The following PAN3 variants were observed in gnomAD, a reference collection of about 807,000 sequenced individuals.
PAN3 encodes the protein poly(A) specific ribonuclease subunit PAN3, also known as PAN2-PAN3 deadenylation complex subunit PAN3.
Under a neutral mutation model 96.2 loss-of-function variants are expected in PAN3, and 19 were observed. The ratio of observed to expected loss-of-function variants is 0.20; its 90% CI spans 0.14 to 0.29. The LOEUF (loss-of-function observed/expected upper bound fraction) is 0.29. Ranked by LOEUF, PAN3 falls within the 10% of genes least tolerant of loss-of-function variation. The pLI is 1.00. For synonymous variants in PAN3, 433 were observed against 406.6 expected, an observed-to-expected ratio of 1.06 and a Z score of -0.78; for missense variants, 882 against 1,108.1, an observed-to-expected ratio of 0.80 and a Z score of 2.90.
At chr13:28,263,977 C>G (rs781401391) in intron 9 of PAN3, among the ~76,000 whole-genome samples, 2 of 152,082 alleles carry the variant, frequency 1.3e-5, no homozygotes, top group African/African-American at 2.4e-5. Flanking sequence ...TATCCCTTCC[C>G]GCGTAACATT....
chr13:28,201,868 T>C lies in PAN3; in HGVS notation c.852+4522T>C, dbSNP rs76512098. On this transcript the variant is annotated intron_variant, in intron 5 of 18. Transcript: ENST00000380958. The stretch of plus-strand genomic sequence containing the variant: ...TTTCTGTGCCTCTGATACCTTTGCA[T>C]GTGGGTAAATATGCCACTCTCCCTA... Among the ~76,000 whole-genome samples, 828 of 152,326 alleles carry C rather than the reference T, an allele frequency of 5.4e-3. 9 individuals are homozygous for C. The highest frequency in any genetic ancestry group is 0.019 in the African/African-American group (797 of 41,582).
chr13:28,271,758 A>G (rs1886640432), intron 13 of PAN3, among the ~76,000 whole-genome samples: 1 of 152,138 alleles, frequency 6.6e-6, no homozygotes, highest in Non-Finnish European at 1.5e-5. Flanking sequence ...TGGCTTTCTC[A>G]GTTTCTGACT....
At chr13:28,239,626 A>G (rs1383832254) in intron 6 of PAN3, 3 of 1,289,738 alleles carry the variant, frequency 2.3e-6, no homozygotes, top group African/African-American at 1.5e-5. Flanking sequence ...GATAAATCCT[A>G]CAATTCATGA....
In PAN3 at chr13:28,289,020, A is replaced by G. The variant is rs547208685; in HGVS notation, c.2523+898A>G. ...TTTTTGTATTTTTAGTAGAGACAGG[A>G]TTTCACCATGTTAGCCAGGATGGTC... On this transcript the variant is annotated intron_variant, in intron 18 of 18. Transcript: ENST00000380958. Among the ~76,000 whole-genome samples the G allele has an allele frequency of 8.5e-4, 128 of 151,432 alleles. 1 individual carries two copies. Among genetic ancestry groups the G allele is most frequent in the Non-Finnish European group, 1.3e-3 (89 of 67,802 alleles).
rs1870032559 is a variant in PAN3 at position 28,293,647 on chromosome 13, A to T, written c.*1125A>T. ...GTAATAGTACTTTTGATAATAACTCACTCTGTGCGATATTCCTGAATAAGT... is the reference window on the plus strand; with the variant it reads ...GTAATAGTACTTTTGATAATAACTCTCTCTGTGCGATATTCCTGAATAAGT... On this transcript the variant is annotated 3_prime_UTR_variant, in exon 19 of 19. Transcript: ENST00000380958. 1.3e-5 allele frequency: 2 copies of T among 151,550 alleles called. No homozygotes were observed. The highest frequency in any genetic ancestry group is 4.2e-4 in the South Asian group (2 of 4,790). 9.4% of individuals were successfully genotyped at this position (151,550 alleles called of 1,614,324 possible). A position where few individuals can be genotyped will look rare whatever the true frequency, so the allele number is the denominator to read the frequency against.
At chr13:28,257,756 T>TATA in intron 7 of PAN3, among the ~76,000 whole-genome samples, 1 of 135,198 alleles carries the variant, frequency 7.4e-6, no homozygotes, top group Non-Finnish European at 1.6e-5. Flanking sequence ...TAATATATAA[T>TATA]TAATTATATA....
intron 1 of PAN3, 118 bp from the exon 2 acceptor site, chr13:28,174,154 A>T: frequency 1.8e-6 from 2 of 1,104,848 alleles, no homozygotes; most frequent in South Asian, 1.6e-5. Flanking sequence ...ATGAACTGGT[A>T]AATAAAAATA....
chr13:28,270,143 T>C (rs546526780), intron 12 of PAN3, among the ~76,000 whole-genome samples: 5 of 152,344 alleles, frequency 3.3e-5, no homozygotes, highest in South Asian at 2.1e-4. Context: ...TTCTACTGAT[T>C]TACAACATAT....
intron 13 of PAN3, among the ~76,000 whole-genome samples, chr13:28,271,640 T>G (rs1744197781): frequency 6.6e-6 from 1 of 152,220 alleles, no homozygotes; most frequent in Non-Finnish European, 1.5e-5. Flanking sequence ...GTACATCTTT[T>G]GCAAGTGTTA....
chr13:28,155,108 G>A (rs551966181), intron 1 of PAN3, among the ~76,000 whole-genome samples: 7 of 151,554 alleles, frequency 4.6e-5, no homozygotes, highest in African/African-American at 1.2e-4. Flanking sequence ...GAGCCACCGC[G>A]CACGGCGACT....
intron 5 of PAN3, among the ~76,000 whole-genome samples, chr13:28,201,701 T>C (rs1046261697): frequency 1.3e-5 from 2 of 152,176 alleles, no homozygotes; most frequent in Non-Finnish European, 2.9e-5. Context: ...CAACTGCCTG[T>C]CTTTGTACTT....
intron 17 of PAN3, among the ~76,000 whole-genome samples, chr13:28,286,980 T>A (rs1869064181): frequency 6.6e-6 from 1 of 152,076 alleles, no homozygotes. Context: ...CTTCCCCCCA[T>A]CCCCCATTCT....
chr13:28,235,144 C>T (rs527267716), intron 6 of PAN3, among the ~76,000 whole-genome samples: 20 of 152,236 alleles, frequency 1.3e-4, no homozygotes, highest in Middle Eastern at 6.8e-3. Context: ...TGTAAAGCTC[C>T]TTTTGATTCA....
intron 1 of PAN3, 120 bp downstream of exon 1, chr13:28,139,207 C>A: frequency 8.8e-7 from 1 of 1,138,428 alleles, no homozygotes. Context: ...CCTCCCAAGG[C>A]GGTCTGAGAG....
chr13:28,184,723 A>G (rs1052041958), intron 4 of PAN3, among the ~76,000 whole-genome samples: 7 of 152,154 alleles, frequency 4.6e-5, no homozygotes, highest in African/African-American at 1.7e-4. Context: ...TTGTAATTTC[A>G]CAGGCAAAAA....
At chr13:28,239,162 A>AACACAC (rs71086840) in intron 6 of PAN3, among the ~76,000 whole-genome samples, 34,359 of 76,458 alleles carry the variant, frequency 0.45, 8,188 homozygotes, top group Non-Finnish European at 0.51. Flanking sequence ...CACCCCCGCC[A>AACACAC]ACACACACAC....
chr13:28,258,932 A>G (rs1885444142), intron 7 of PAN3, among the ~76,000 whole-genome samples: 1 of 152,042 alleles, frequency 6.6e-6, no homozygotes, highest in African/African-American at 2.4e-5. Flanking sequence ...TGTATTTTTA[A>G]TTTGTATTAC....
At chr13:28,176,355 C>G (rs755008532) in intron 2 of PAN3, 138 bp from the exon 3 acceptor site, 5 of 787,030 alleles carry the variant, frequency 6.4e-6, no homozygotes, top group Non-Finnish European at 1.0e-5. Context: ...AGCAGTAACA[C>G]TTACAGGAAG....
chr13:28,155,133 A>G (rs1871968527), intron 1 of PAN3, among the ~76,000 whole-genome samples: 1 of 151,938 alleles, frequency 6.6e-6, no homozygotes, highest in Non-Finnish European at 1.5e-5. Context: ...GGTTTTTAAA[A>G]CAATGTTAAC....
Sources: gnomAD v4.1 joint callset for allele counts (sites outside exome capture counted in the v4.1 genomes callset) on GRCh38, gnomAD v4.1.1 for gene constraint, MANE v1.5 for transcripts, NCBI Gene and HGNC (gene_info 2026-07-23, HGNC 2026-07-21) for gene names.